FRMD3: variants seen among roughly 807,000 people sequenced by gnomAD.
The protein encoded by FRMD3 is FERM domain containing 3.
In FRMD3, 33 loss-of-function variants were observed where a neutral mutation model predicts 70.2. That is an observed-to-expected ratio of 0.47 (90% CI 0.36 to 0.63). The LOEUF is 0.63. Ranked by LOEUF, FRMD3 falls within the 20% of genes least tolerant of loss-of-function variation. The pLI is 0.00. For missense variants in FRMD3, 632 were observed against 711.4 expected, an observed-to-expected ratio of 0.89 and a Z score of 1.27; for synonymous variants, 279 against 255.9, an observed-to-expected ratio of 1.09 and a Z score of -0.86.
chr9:83,258,938 A>AGGACTG (rs1388617119), intron 13 of FRMD3, among the ~76,000 whole-genome samples: 1 of 152,246 alleles, frequency 6.6e-6, no homozygotes, highest in Non-Finnish European at 1.5e-5. Flanking sequence ...CCATGCTGGC[A>AGGACTG]TCCAACTATG....
At chr9:83,562,577 G>A in the FRMD3 span, among the ~76,000 whole-genome samples, 1,103 of 152,292 alleles carry the variant, frequency 7.2e-3, 37 homozygotes, top group East Asian at 0.024. Context: ...CGGGCCACCT[G>A]GGACTTAGTT....
chr9:83,565,423 T>A, the FRMD3 span, among the ~76,000 whole-genome samples: 2 of 152,314 alleles, frequency 1.3e-5, no homozygotes, highest in East Asian at 3.9e-4. Context: ...GAGGAAGTTG[T>A]TTATCCAGAG....
intron 2 of FRMD3, among the ~76,000 whole-genome samples, chr9:83,387,548 T>C (rs1324967697): frequency 6.6e-6 from 1 of 152,192 alleles, no homozygotes; most frequent in Non-Finnish European, 1.5e-5. Flanking sequence ...ATTTATCATT[T>C]AGAATTGAAT....
chr9:83,427,955 A>C (rs1214709532), intron 1 of FRMD3, among the ~76,000 whole-genome samples: 2 of 152,246 alleles, frequency 1.3e-5, no homozygotes, highest in Non-Finnish European at 2.9e-5. Flanking sequence ...CAGGAGCATA[A>C]GTAAGCGCGA....
At chr9:83,445,658 G>A (rs1827439888) in intron 1 of FRMD3, among the ~76,000 whole-genome samples, 1 of 152,176 alleles carries the variant, frequency 6.6e-6, no homozygotes, top group South Asian at 2.1e-4. Flanking sequence ...GCTAAGCACA[G>A]GTGTGGATTT....
chr9:83,408,828 G>A (rs993883461), intron 1 of FRMD3, among the ~76,000 whole-genome samples: 3 of 152,248 alleles, frequency 2.0e-5, no homozygotes, highest in East Asian at 3.9e-4. Context: ...GCAGAAACAC[G>A]TGAACTGGAA....
intron 13 of FRMD3, among the ~76,000 whole-genome samples, chr9:83,272,853 G>T (rs1183862495): frequency 6.8e-6 from 1 of 147,814 alleles, no homozygotes; most frequent in African/African-American, 2.5e-5. Context: ...GAGGTGAGGA[G>T]CGTCTCTGCC....
At position 83,437,898 on chromosome 9, in the gene FRMD3, G is replaced by A. The variant is rs113873255; in HGVS notation, c.148-48190C>T. 6.0e-3 allele frequency among the ~76,000 whole-genome samples: 921 copies of A among 152,288 alleles called. 12 individuals carry two copies. The highest frequency in any genetic ancestry group is 0.02 in the African/African-American group (848 of 41,540). ...GCAGTGACAGTGCAAAGCTAAGTGA[G>A]CGAAGCAGGGGGATCCTCAAGAGCA... On this transcript the variant is annotated intron_variant, in intron 1 of 13. Transcript: ENST00000304195.
At chr9:83,359,896 G>A (rs1237876023) in intron 3 of FRMD3, among the ~76,000 whole-genome samples, 1 of 152,018 alleles carries the variant, frequency 6.6e-6, no homozygotes, top group Non-Finnish European at 1.5e-5. Flanking sequence ...TGAGACCTGT[G>A]GACTGAATGC....
intron 2 of FRMD3, among the ~76,000 whole-genome samples, chr9:83,387,812 T>C (rs1825554143): frequency 2.0e-5 from 3 of 152,192 alleles, no homozygotes; most frequent in Admixed American, 2.0e-4. Context: ...CAAAGCTGGC[T>C]TGGCTGCATC....
intron 13 of FRMD3, among the ~76,000 whole-genome samples, chr9:83,287,031 C>T (rs1259034909): frequency 6.6e-6 from 1 of 152,162 alleles, no homozygotes; most frequent in Non-Finnish European, 1.5e-5. Context: ...GTGTCCCTAC[C>T]ATGTAACCAG....
intron 1 of FRMD3, among the ~76,000 whole-genome samples, chr9:83,512,384 G>C (rs144399220): frequency 6.6e-6 from 1 of 152,322 alleles, no homozygotes; most frequent in Non-Finnish European, 1.5e-5. Context: ...GGGTGAACAA[G>C]TTAATGAACA....
At chr9:83,385,837 G>A (rs1393781077) in intron 2 of FRMD3, among the ~76,000 whole-genome samples, 2 of 151,970 alleles carry the variant, frequency 1.3e-5, no homozygotes, top group Non-Finnish European at 2.9e-5. Flanking sequence ...ATTATCCAAG[G>A]CCCATTTTCC....
chr9:83,280,266 T>C (rs1420984332), intron 13 of FRMD3, among the ~76,000 whole-genome samples: 1 of 152,244 alleles, frequency 6.6e-6, no homozygotes, highest in Non-Finnish European at 1.5e-5. Flanking sequence ...CCTCTCATTC[T>C]CTGTCCAATG....
chr9:83,311,783 G>T, intron 8 of FRMD3, 104 bp downstream of exon 8: 1 of 814,358 alleles, frequency 1.2e-6, no homozygotes, highest in Non-Finnish European at 2.1e-6. Flanking sequence ...GCAAGGAAAT[G>T]GATACCAGGC....
At chr9:83,376,661 A>G in intron 2 of FRMD3, among the ~76,000 whole-genome samples, 1 of 149,482 alleles carries the variant, frequency 6.7e-6, no homozygotes, top group South Asian at 2.1e-4. Flanking sequence ...GGCTTGTCTC[A>G]AAAGCCTGGG....
At chr9:83,308,230 A>G (rs575138365) in intron 10 of FRMD3, among the ~76,000 whole-genome samples, 15 of 152,288 alleles carry the variant, frequency 9.8e-5, no homozygotes, top group African/African-American at 3.4e-4. Flanking sequence ...AGCTCCTGAA[A>G]AGCAATGAAC....
At chr9:83,390,515 G>A (rs1353794528) in intron 1 of FRMD3, among the ~76,000 whole-genome samples, 1 of 152,224 alleles carries the variant, frequency 6.6e-6, no homozygotes, top group Non-Finnish European at 1.5e-5. Flanking sequence ...AGACAGGCCT[G>A]TGTGACCTTG....
intron 1 of FRMD3, among the ~76,000 whole-genome samples, chr9:83,492,584 T>A (rs995983156): frequency 7.9e-5 from 12 of 152,172 alleles, no homozygotes; most frequent in African/African-American, 2.9e-4. Context: ...TTTCTCTTAG[T>A]GGCTACTGTT....
Sources: allele counts gnomAD v4.1 joint callset (sites outside exome capture counted in the v4.1 genomes callset), GRCh38; gene constraint gnomAD v4.1.1; transcripts MANE v1.5; gene names NCBI Gene and HGNC (gene_info 2026-07-23, HGNC 2026-07-21).